TRPM3: variants seen among roughly 807,000 people sequenced by gnomAD.
TRPM3 encodes transient receptor potential cation channel subfamily M member 3.
A neutral mutation model predicts 181.2 loss-of-function variants in TRPM3; 77 were observed. The ratio of observed to expected loss-of-function variants is 0.42; its 90% CI spans 0.35 to 0.51. TRPM3 has a LOEUF of 0.51. Ranked by LOEUF, TRPM3 falls within the 20% of genes least tolerant of loss-of-function variation. The pLI, the probability that TRPM3 is intolerant of heterozygous loss-of-function variation, is 0.01. For synonymous variants in TRPM3, 745 were observed against 796.4 expected (o/e 0.94, Z 1.09); for missense variants, 1,759 against 2,196.7 (o/e 0.80, Z 3.98).
intron 1 of TRPM3, among the ~76,000 whole-genome samples, chr9:71,400,812 G>A (rs2093325545): frequency 1.3e-5 from 2 of 148,382 alleles, no homozygotes; most frequent in Non-Finnish European, 1.5e-5. Flanking sequence ...TCAGAATCCA[G>A]AAATTTTAAT....
intron 22 of TRPM3, among the ~76,000 whole-genome samples, chr9:70,586,075 C>G (rs942283822): frequency 6.6e-6 from 1 of 152,198 alleles, no homozygotes; most frequent in Non-Finnish European, 1.5e-5. Context: ...CAGCTCATAT[C>G]GAGCGGCTCA....
chr9:71,061,752 A>C (rs562922028), intron 1 of TRPM3, among the ~76,000 whole-genome samples: 1 of 152,132 alleles, frequency 6.6e-6, no homozygotes, highest in East Asian at 1.9e-4. Flanking sequence ...GATCTCTTGG[A>C]AGCTTGTGCT....
intron 1 of TRPM3, among the ~76,000 whole-genome samples, chr9:71,320,296 G>A: frequency 6.6e-6 from 1 of 151,286 alleles, no homozygotes; most frequent in Non-Finnish European, 1.5e-5. Context: ...TTCTGGTATT[G>A]CAAACATATT....
intron 6 of TRPM3, among the ~76,000 whole-genome samples, chr9:70,804,221 T>C (rs530776387): frequency 6.6e-6 from 1 of 152,108 alleles, no homozygotes; most frequent in Non-Finnish European, 1.5e-5. Context: ...CCCCAGCTAC[T>C]TGGGAGGCTG....
Position 70,780,766 on chromosome 9 carries a change from T to A in TRPM3, c.1148+3339A>T, listed in dbSNP as rs528765557. ...AGCACACTTTTATCATAACACTACA[T>A]ATAAAATACAAAACTTCTCTTTAGA... On this transcript the variant is annotated intron_variant, in intron 7 of 25. Transcript: ENST00000677713. Among the ~76,000 whole-genome samples the A allele has an allele frequency of 3.3e-5, 5 of 152,302 alleles. No individual in the cohort carries two copies. In the East Asian group the frequency reaches 9.6e-4, roughly 29 times the overall value.
Position 70,864,525 on chromosome 9 carries a change from CAAAAAAA to C in TRPM3, c.178-21_178-15del, listed in dbSNP as rs71367234. ...GGATTTCTGAGCCTGAAAAAGAAAA[CAAAAAAA>C]AAAAAAAAAGAAAAAAGAAAGAAAG... On this transcript the variant is annotated splice_polypyrimidine_tract_variant and intron_variant, in intron 1 of 25. Transcript: ENST00000677713. 4.9e-5 allele frequency: 44 copies of C among 899,576 alleles called. 2 individuals are homozygous for C. The highest frequency in any genetic ancestry group is 3.0e-4 in the South Asian group (8 of 26,250). 55.7% of individuals were successfully genotyped at this position (899,576 alleles called of 1,614,324 possible).
At chr9:71,223,123 A>T (rs1033592195) in intron 1 of TRPM3, among the ~76,000 whole-genome samples, 11 of 152,066 alleles carry the variant, frequency 7.2e-5, no homozygotes, top group African/African-American at 2.7e-4. Context: ...CCTCCCCCCA[A>T]ACCCAGGCAG....
At chr9:71,359,657 T>A (rs1314307996) in intron 1 of TRPM3, among the ~76,000 whole-genome samples, 13 of 152,194 alleles carry the variant, frequency 8.5e-5, no homozygotes, top group Non-Finnish European at 1.8e-4. Context: ...AGTAACTTTC[T>A]TGGGTGCATG....
At chr9:71,113,742 A>G (rs946563196) in intron 1 of TRPM3, among the ~76,000 whole-genome samples, 1 of 152,230 alleles carries the variant, frequency 6.6e-6, no homozygotes, top group Non-Finnish European at 1.5e-5. Context: ...ATAAATGTAT[A>G]GAGAGATACT....
At chr9:71,327,891 T>C (rs570131150) in intron 1 of TRPM3, among the ~76,000 whole-genome samples, 1 of 152,128 alleles carries the variant, frequency 6.6e-6, no homozygotes, top group Non-Finnish European at 1.5e-5. Flanking sequence ...GTCAACTATG[T>C]GTGGTACTTG....
At chr9:71,343,903 G>A (rs2091123337) in intron 1 of TRPM3, among the ~76,000 whole-genome samples, 1 of 152,076 alleles carries the variant, frequency 6.6e-6, no homozygotes, top group South Asian at 2.1e-4. Context: ...AAAAGGAATG[G>A]GGACTCATCA....
intron 6 of TRPM3, among the ~76,000 whole-genome samples, chr9:70,805,222 G>A (rs2090370281): frequency 1.3e-5 from 2 of 151,340 alleles, no homozygotes; most frequent in South Asian, 4.2e-4. Flanking sequence ...AGAGAGACTG[G>A]GGTGGGGGAG....
intron 8 of TRPM3, among the ~76,000 whole-genome samples, chr9:70,687,987 A>G (rs1201437021): frequency 6.6e-6 from 1 of 152,236 alleles, no homozygotes; most frequent in African/African-American, 2.4e-5. Context: ...TCTGCCAGAC[A>G]GTGAAAAGTT....
At chr9:71,396,947 C>T (rs1230778084) in intron 1 of TRPM3, among the ~76,000 whole-genome samples, 4 of 146,602 alleles carry the variant, frequency 2.7e-5, no homozygotes, top group East Asian at 2.0e-4. Context: ...GCCTGGGCAA[C>T]GGAGCAAGAC....
At chr9:70,672,505 A>AT (rs1448691731) in intron 9 of TRPM3, among the ~76,000 whole-genome samples, 1 of 152,136 alleles carries the variant, frequency 6.6e-6, no homozygotes, top group Non-Finnish European at 1.5e-5. Context: ...GAACTTACAA[A>AT]TCTGTTTTAT....
chr9:71,167,820 A>G (rs2076612880), intron 1 of TRPM3, among the ~76,000 whole-genome samples: 1 of 152,228 alleles, frequency 6.6e-6, no homozygotes, highest in African/African-American at 2.4e-5. Flanking sequence ...ATCCAGCAGC[A>G]TTCTAGTTGC....
intron 9 of TRPM3, among the ~76,000 whole-genome samples, chr9:70,652,086 A>G (rs2133799759): frequency 6.6e-6 from 1 of 152,224 alleles, no homozygotes; most frequent in Admixed American, 6.5e-5. Flanking sequence ...CTGGAGACAA[A>G]AAATGCTCGG....
intron 1 of TRPM3, among the ~76,000 whole-genome samples, chr9:70,913,662 C>G (rs997649571): frequency 1.3e-5 from 2 of 151,950 alleles, no homozygotes; most frequent in Non-Finnish European, 2.9e-5. Flanking sequence ...TTCATGATGC[C>G]CAGTCTTACC....
intron 1 of TRPM3, among the ~76,000 whole-genome samples, chr9:71,226,907 T>C (rs1223813900): frequency 6.6e-6 from 1 of 151,934 alleles, no homozygotes; most frequent in Non-Finnish European, 1.5e-5. Context: ...TAAATATTTA[T>C]AGAACATTTA....
Sources: gnomAD v4.1 joint callset for allele counts (sites outside exome capture counted in the v4.1 genomes callset) on GRCh38, gnomAD v4.1.1 for gene constraint, MANE v1.5 for transcripts, NCBI Gene and HGNC (gene_info 2026-07-23, HGNC 2026-07-21) for gene names.